Variants in TRARG1 observed in about 807,000 individuals in gnomAD.
TRARG1 encodes the protein trafficking regulator of GLUT4 (SLC2A4) 1 (gene/pseudogene).
In TRARG1, 16 loss-of-function variants were observed where a neutral mutation model predicts 13.3. That is an observed-to-expected ratio of 1.20 (90% CI 0.81 to 1.83). The LOEUF (loss-of-function observed/expected upper bound fraction) is 1.83, where lower values mean the gene tolerates loss of function less well. Among genes scored for constraint, TRARG1 ranks in the 40% most tolerant of loss-of-function variants. The pLI, the probability that TRARG1 is intolerant of heterozygous loss-of-function variation, is 0.00. For missense variants in TRARG1, 250 were observed against 237.4 expected (o/e 1.05, Z -0.35); for synonymous variants, 113 against 106.2 (o/e 1.06, Z -0.39).
rs913431793 is a variant in TRARG1 at position 1,300,420 on chromosome 17, C to T, written c.*2156C>T. 3 of 151,634 alleles carry T rather than the reference C, an allele frequency of 2.0e-5. No homozygotes were observed. 9.4% of individuals were successfully genotyped at this position (151,634 alleles called of 1,614,324 possible). A position where few individuals can be genotyped will look rare whatever the true frequency, so the allele number is the denominator to read the frequency against. ...CACACATGCCCAGACCTTCTCACAC[C>T]CACACAAATAGGCTCTGCCGTGCAC... is the stretch of plus-strand genomic sequence containing the variant. On this transcript the variant is annotated 3_prime_UTR_variant, in exon 3 of 3. Coordinates refer to ENST00000333813, the MANE Select transcript of TRARG1 (RefSeq NM_172367.3).
chr17:1,287,041 T>C (rs565092035), intron 1 of TRARG1, among the ~76,000 whole-genome samples: 13 of 151,874 alleles, frequency 8.6e-5, no homozygotes, highest in African/African-American at 2.7e-4. Context: ...GGTTGGGCTG[T>C]GCTGGGAGGG....
At chr17:1,296,575 G>A (rs1196422268) in intron 2 of TRARG1, among the ~76,000 whole-genome samples, 1 of 148,262 alleles carries the variant, frequency 6.7e-6, no homozygotes, top group Non-Finnish European at 1.5e-5. Context: ...GCAGTGGCAT[G>A]ATCTCAGCTC....
intron 1 of TRARG1, among the ~76,000 whole-genome samples, chr17:1,281,853 G>A (rs1013739533): frequency 3.3e-5 from 5 of 152,036 alleles, no homozygotes; most frequent in Non-Finnish European, 7.4e-5. Context: ...GGCAGGACCT[G>A]CCTCTGACAA....
chr17:1,297,177 T>A (rs181412045), intron 2 of TRARG1, among the ~76,000 whole-genome samples: 4 of 152,096 alleles, frequency 2.6e-5, no homozygotes, highest in African/African-American at 9.7e-5. Flanking sequence ...TATCGAGGAA[T>A]GTGTCAGAAA....
chr17:1,284,122 A>G (rs12452337), intron 1 of TRARG1, among the ~76,000 whole-genome samples: 2 of 149,402 alleles, frequency 1.3e-5, no homozygotes, highest in South Asian at 2.1e-4. Flanking sequence ...CTCAAAAAAA[A>G]AAAGAAAGAA....
At chr17:1,285,961 A>G (rs1051729998) in intron 1 of TRARG1, among the ~76,000 whole-genome samples, 3 of 152,160 alleles carry the variant, frequency 2.0e-5, no homozygotes, top group Non-Finnish European at 4.4e-5. Context: ...AGGTTCAATG[A>G]GCATGGAAGC....
intron 2 of TRARG1, 123 bp from the exon 3 acceptor site, chr17:1,298,128 C>T (rs2072125707): frequency 8.4e-7 from 1 of 1,183,582 alleles, no homozygotes; most frequent in Non-Finnish European, 1.2e-6. Context: ...AAGCCTTAGC[C>T]TTCTCCCCTT....
At chr17:1,286,382 C>G (rs80088512) in intron 1 of TRARG1, among the ~76,000 whole-genome samples, 4 of 112,868 alleles carry the variant, frequency 3.5e-5, no homozygotes, top group African/African-American at 1.8e-4. Context: ...GAGGTGTTAT[C>G]GGCCTGTGGG....
At chr17:1,294,321 G>GC (rs1272427857) in intron 1 of TRARG1, among the ~76,000 whole-genome samples, 1 of 152,018 alleles carries the variant, frequency 6.6e-6, no homozygotes, top group Non-Finnish European at 1.5e-5. Context: ...ATAAAACAAG[G>GC]CCCCCGTGAA....
chr17:1,280,109 G>C lies in TRARG1; in HGVS notation c.108G>C (p.Lys36Asn). 6.2e-7 allele frequency: 1 copy of C among 1,613,800 alleles called. No individual in the cohort carries two copies. Among genetic ancestry groups the C allele is most frequent in the Non-Finnish European group, 8.5e-7 (1 of 1,180,036 alleles). The change falls in exon 1 of 3, where the codon AAG (lysine) becomes AAC (asparagine). Residue 36 changes from lysine (K) to asparagine (N), a missense_variant. By Grantham distance (94) the Lys-to-Asn change is moderately conservative (BLOSUM62 0). Coordinates refer to ENST00000333813, the MANE Select transcript of TRARG1 (RefSeq NM_172367.3). ...TACTCCTCACCAAGGCAGAGAACAA[G>C]GATGACAAGACCCTGAATCTGTCCA... The part of the protein sequence containing the change: ...MEILLTKAEN[K>N]DDKTLNLSKT...
At chr17:1,293,140 C>T (rs1332186397) in intron 1 of TRARG1, among the ~76,000 whole-genome samples, 5 of 152,024 alleles carry the variant, frequency 3.3e-5, no homozygotes, top group East Asian at 3.9e-4. Flanking sequence ...AAAAATTAGC[C>T]GGGCGTAGTG....
At chr17:1,295,715 G>A in intron 2 of TRARG1, 92 bp downstream of exon 2, 2 of 1,448,108 alleles carry the variant, frequency 1.4e-6, no homozygotes, top group Non-Finnish European at 1.8e-6. Context: ...AGAGGTGGTG[G>A]GTTGGGGGAA....
intron 1 of TRARG1, among the ~76,000 whole-genome samples, chr17:1,293,283 C>CAAAAA (rs55792385): frequency 3.8e-4 from 29 of 76,958 alleles, no homozygotes; most frequent in African/African-American, 7.4e-4. Context: ...GACTCTGTCT[C>CAAAAA]AAAAAAAAAA....
chr17:1,280,932 C>T (rs1302207423), intron 1 of TRARG1, among the ~76,000 whole-genome samples: 1 of 152,196 alleles, frequency 6.6e-6, no homozygotes, highest in Non-Finnish European at 1.5e-5. Context: ...GCGCACAAAG[C>T]GGGGAGAGCT....
At chr17:1,282,572 T>C (rs1413495136) in intron 1 of TRARG1, among the ~76,000 whole-genome samples, 1 of 151,962 alleles carries the variant, frequency 6.6e-6, no homozygotes, top group African/African-American at 2.4e-5. Context: ...GGTTTTACCA[T>C]GTTGGCCAGG....
At chr17:1,282,218 A>ATACATATATG (rs1491514533) in intron 1 of TRARG1, among the ~76,000 whole-genome samples, 6 of 108,106 alleles carry the variant, frequency 5.6e-5, no homozygotes, top group African/African-American at 2.2e-4. Context: ...ATGTACGTAT[A>ATACATATATG]CACGTGCGTA....
chr17:1,296,167 C>T (rs1220601689), intron 2 of TRARG1, among the ~76,000 whole-genome samples: 1 of 152,210 alleles, frequency 6.6e-6, no homozygotes, highest in Admixed American at 6.5e-5. Flanking sequence ...AGTCATCCAA[C>T]CAGGGGAAAC....
intron 1 of TRARG1, among the ~76,000 whole-genome samples, chr17:1,294,487 T>TTTTTTGG (rs56929786): frequency 1.5e-5 from 2 of 129,270 alleles, no homozygotes; most frequent in Admixed American, 1.7e-4. Flanking sequence ...TTTTTTTTTT[T>TTTTTTGG]GAGGCAGTCT....
Position 1,280,238 on chromosome 17 carries a change from C to G in TRARG1, c.237C>G (p.Ser79=), listed in dbSNP as rs531428343. The G allele has an allele frequency of 2.0e-4, 321 of 1,614,066 alleles. 4 individuals are homozygous for G. In the South Asian group the frequency reaches 3.3e-3, roughly 17 times the overall value. The change falls in exon 1 of 3, where the codon TCC becomes TCG. Residue 79 remains serine, a synonymous_variant. Coordinates refer to ENST00000333813, the MANE Select transcript of TRARG1 (RefSeq NM_172367.3). ...HLEAPLPRSP[S]RASSRRASSI... is the part of the protein sequence containing the mutation. ...AGGCCCCACTGCCTCGGTCCCCCTCCCGGGCCAGCTCAAGGAGGGCGTCCT... is the reference window on the plus strand; with the variant it reads ...AGGCCCCACTGCCTCGGTCCCCCTCGCGGGCCAGCTCAAGGAGGGCGTCCT...
Sources: gnomAD v4.1 joint callset for allele counts (sites outside exome capture counted in the v4.1 genomes callset) on GRCh38, gnomAD v4.1.1 for gene constraint, MANE v1.5 for transcripts, NCBI Gene and HGNC (gene_info 2026-07-23, HGNC 2026-07-21) for gene names.